Variants in LRTM1 observed in about 807,000 individuals in gnomAD.
LRTM1 encodes the protein leucine-rich repeat and transmembrane domain-containing protein 1.
In LRTM1, 38 loss-of-function variants were observed where a neutral mutation model predicts 32.4. The observed-to-expected ratio is 1.17, with a 90% CI of 0.91 to 1.54. LRTM1 has a LOEUF of 1.54. Ranked by LOEUF, LRTM1 falls within the 40% of genes most tolerant of loss-of-function variation. The pLI, the probability that LRTM1 is intolerant of heterozygous loss-of-function variation, is 0.00. For synonymous variants in LRTM1, 186 were observed against 169.9 expected (o/e 1.09, Z -0.74); for missense variants, 466 against 415.4 (o/e 1.12, Z -1.06).
intron 1 of LRTM1, among the ~76,000 whole-genome samples, chr3:54,945,844 T>TGCAG: frequency 6.6e-6 from 1 of 152,140 alleles, no homozygotes; most frequent in Admixed American, 6.5e-5. Flanking sequence ...TGCCAGGTAG[T>TGCAG]CAGTGGGCAA....
At chr3:54,919,735 T>C (rs1017034011) in intron 2 of LRTM1, among the ~76,000 whole-genome samples, 4 of 152,236 alleles carry the variant, frequency 2.6e-5, no homozygotes, top group Non-Finnish European at 4.4e-5. Flanking sequence ...TTTTCTGCCA[T>C]GAAAACATGC....
intron 2 of LRTM1, among the ~76,000 whole-genome samples, chr3:54,922,843 C>T (rs1188607366): frequency 2.0e-5 from 3 of 152,176 alleles, no homozygotes; most frequent in Non-Finnish European, 2.9e-5. Flanking sequence ...CCTCTTTGCC[C>T]CTTGTCAGCT....
intron 1 of LRTM1, among the ~76,000 whole-genome samples, chr3:54,960,702 CT>C (rs926664618): frequency 6.6e-6 from 1 of 152,226 alleles, no homozygotes; most frequent in African/African-American, 2.4e-5. Flanking sequence ...TTCCTTCCCC[CT>C]CATCTTCCCG....
In LRTM1 at chr3:54,939,394, G is replaced by A. The variant is rs190692297; in HGVS notation, c.-221-14179C>T. 7.3e-3 allele frequency among the ~76,000 whole-genome samples: 1,109 copies of A among 152,306 alleles called. 6 individuals are homozygous for A. Among genetic ancestry groups the A allele is most frequent in the Middle Eastern group, 0.014 (4 of 294 alleles). On this transcript the variant is annotated intron_variant, in intron 1 of 2. Transcript: ENST00000493075. ...CTTCAAAGCCTTTGAACTACTCTGCGTTTTTATCTCATCTTATTCTTCCCA... is the reference window on the plus strand; with the variant it reads ...CTTCAAAGCCTTTGAACTACTCTGCATTTTTATCTCATCTTATTCTTCCCA...
chr3:54,952,877 G>A (rs1441378909), intron 1 of LRTM1, among the ~76,000 whole-genome samples: 1 of 152,172 alleles, frequency 6.6e-6, no homozygotes, highest in African/African-American at 2.4e-5. Flanking sequence ...AATGTTCTGG[G>A]TGGTTGAGAT....
chr3:54,920,169 A>AG (rs1312168809), intron 2 of LRTM1, among the ~76,000 whole-genome samples: 6 of 152,238 alleles, frequency 3.9e-5, no homozygotes, highest in Non-Finnish European at 8.8e-5. Context: ...ACATATGTAG[A>AG]GGGCATCACT....
chr3:54,947,175 C>T (rs902495600), intron 1 of LRTM1, among the ~76,000 whole-genome samples: 4 of 152,294 alleles, frequency 2.6e-5, no homozygotes, highest in Non-Finnish European at 5.9e-5. Context: ...AAAGACTGAG[C>T]AGAGGCGGGT....
chr3:54,927,182 A>G (rs1701046133), intron 1 of LRTM1, among the ~76,000 whole-genome samples: 1 of 152,216 alleles, frequency 6.6e-6, no homozygotes, highest in Non-Finnish European at 1.5e-5. Context: ...CATGGCTGTC[A>G]TGCACTTGAG....
In LRTM1 at chr3:54,925,129, T is replaced by C; in HGVS notation, c.94A>G (p.Asn32Asp). Reference sequence around the variant, plus strand: ...CCCTGCTGGCTGCAGTCTACAAAATTTGTAGATGACTGACAGTAACACTTG... The same window carrying C: ...CCCTGCTGGCTGCAGTCTACAAAATCTGTAGATGACTGACAGTAACACTTG... ...PDKCYCQSST[N>D]FVDCSQQGLA... Residue 32 changes from asparagine (N) to aspartate (D), a missense_variant, in exon 2 of 3, where the codon AAT (asparagine) becomes GAT (aspartate). Transcript: ENST00000273286. 1 of 1,614,050 alleles carries C rather than the reference T, an allele frequency of 6.2e-7. No individual in the cohort carries two copies. The highest frequency in any genetic ancestry group is 2.2e-5 in the East Asian group (1 of 44,868).
At chr3:54,958,483 C>G (rs1162397123) in intron 1 of LRTM1, among the ~76,000 whole-genome samples, 1 of 152,202 alleles carries the variant, frequency 6.6e-6, no homozygotes, top group African/African-American at 2.4e-5. Flanking sequence ...AGAAGTGTCT[C>G]AGAAAGAGGA....
intron 1 of LRTM1, among the ~76,000 whole-genome samples, chr3:54,935,301 A>G (rs1414884912): frequency 2.0e-5 from 3 of 152,250 alleles, no homozygotes; most frequent in Admixed American, 1.3e-4. Flanking sequence ...TCCCATTCCA[A>G]TATCTTCCCA....
intron 1 of LRTM1, among the ~76,000 whole-genome samples, chr3:54,963,135 G>T (rs1702070089): frequency 6.6e-6 from 1 of 152,148 alleles, no homozygotes; most frequent in Admixed American, 6.6e-5. Context: ...CTGGAGGGTG[G>T]TTGTTGCATT....
chr3:54,939,570 G>A (rs1311482447), intron 1 of LRTM1, among the ~76,000 whole-genome samples: 1 of 152,238 alleles, frequency 6.6e-6, no homozygotes. Context: ...ATTGGGCAAA[G>A]TGTGCTGGGG....
At chr3:54,936,123 A>G (rs1323986806) in intron 1 of LRTM1, among the ~76,000 whole-genome samples, 4 of 151,920 alleles carry the variant, frequency 2.6e-5, no homozygotes, top group African/African-American at 9.7e-5. Context: ...TTGCAGATTT[A>G]TGGAAAGGGT....
intron 1 of LRTM1, among the ~76,000 whole-genome samples, chr3:54,943,918 A>G (rs1186482920): frequency 1.3e-5 from 2 of 152,116 alleles, no homozygotes; most frequent in Admixed American, 6.5e-5. Flanking sequence ...AACATTTTCC[A>G]GTAGTTTACT....
chr3:54,953,769 A>T (rs1174399247), intron 1 of LRTM1, among the ~76,000 whole-genome samples: 3 of 152,050 alleles, frequency 2.0e-5, no homozygotes, highest in Non-Finnish European at 4.4e-5. Context: ...AGGCTGTGGG[A>T]ATCACTGGGA....
At chr3:54,955,707 C>A (rs974754383) in intron 1 of LRTM1, among the ~76,000 whole-genome samples, 1 of 152,082 alleles carries the variant, frequency 6.6e-6, no homozygotes, top group African/African-American at 2.4e-5. Flanking sequence ...CCTGGCTCTC[C>A]CCTGAGGCCT....
At chr3:54,957,088 G>A (rs1701916283) in intron 1 of LRTM1, among the ~76,000 whole-genome samples, 1 of 152,224 alleles carries the variant, frequency 6.6e-6, no homozygotes, top group African/African-American at 2.4e-5. Context: ...CTTCATAAAT[G>A]GGATTAATTA....
At chr3:54,937,198 T>A (rs1701350996) in intron 1 of LRTM1, among the ~76,000 whole-genome samples, 1 of 152,178 alleles carries the variant, frequency 6.6e-6, no homozygotes, top group Non-Finnish European at 1.5e-5. Flanking sequence ...TCTTTCTTGA[T>A]GAAAGAAGTA....
Sources: allele counts gnomAD v4.1 joint callset (sites outside exome capture counted in the v4.1 genomes callset), GRCh38; gene constraint gnomAD v4.1.1; transcripts MANE v1.5; gene names NCBI Gene and HGNC (gene_info 2026-07-23, HGNC 2026-07-21).